IDUA: variants seen among roughly 807,000 people sequenced by gnomAD.
IDUA encodes iduronidase alpha-L-.
In IDUA, 65 loss-of-function variants were observed where a neutral mutation model predicts 68.9. The observed-to-expected ratio is 0.94, with a 90% CI of 0.77 to 1.16. The LOEUF is 1.16. Ranked by LOEUF, IDUA falls within the 50% of genes most tolerant of loss-of-function variation. The probability of loss-of-function intolerance (pLI) is 0.00; values close to 1 mark genes in which losing one functional copy is unlikely to be tolerated. For synonymous variants in IDUA, 529 were observed against 433.6 expected (o/e 1.22, Z -2.73); for missense variants, 1,046 against 938.0 (o/e 1.12, Z -1.50).
chr4:1,000,533 C>G (rs760938790), intron 2 of IDUA, 79 bp from the exon 3 acceptor site: 62 of 1,136,996 alleles, frequency 5.5e-5, no homozygotes, highest in Non-Finnish European at 7.9e-5. Context: ...CCCACATGCT[C>G]CGTTGTGGCC....
intron 2 of IDUA, among the ~76,000 whole-genome samples, chr4:998,278 C>G (rs1714864649): frequency 1.3e-5 from 2 of 152,200 alleles, no homozygotes; most frequent in South Asian, 4.1e-4. Flanking sequence ...TGCCAAGGCT[C>G]TGCCTTGATC....
chr4:988,313 C>G (rs2153015883), intron 2 of IDUA: 2 of 1,107,860 alleles, frequency 1.8e-6, no homozygotes, highest in East Asian at 1.3e-4. Flanking sequence ...GGCCCTGACG[C>G]TGGTGCAGGT....
At position 1,002,742 on chromosome 4, in the gene IDUA, G is replaced by T; in HGVS notation, c.1200G>T (p.Gln400His). The T allele has an allele frequency of 6.7e-7, 1 of 1,485,204 alleles. No individual in the cohort carries two copies. Among genetic ancestry groups the T allele is most frequent in the Non-Finnish European group, 8.9e-7 (1 of 1,124,018 alleles). 92.0% of individuals were successfully genotyped at this position (1,485,204 alleles called of 1,614,324 possible). A position where few individuals can be genotyped will look rare whatever the true frequency, so the allele number is the denominator to read the frequency against. ...CCCCCCGCCCCGCAGATGAGGAGCAGCTCTGGGCCGAAGTGTCGCAGGCCG... is the reference window on the plus strand; with the variant it reads ...CCCCCCGCCCCGCAGATGAGGAGCATCTCTGGGCCGAAGTGTCGCAGGCCG... ...MGLLALLDEE[Q>H]LWAEVSQAGT... The change falls in exon 9 of 14, where the codon CAG becomes CAT. Residue 400 changes from glutamine (Q) to histidine (H), a missense_variant. Transcript: ENST00000514224.
rs894585162 is a variant in IDUA at position 1,003,110 on chromosome 4, C to T, written c.1477C>T (p.Pro493Ser). 1.3e-6 allele frequency: 2 copies of T among 1,513,614 alleles called. No individual in the cohort carries two copies. Among genetic ancestry groups the T allele is most frequent in the African/African-American group, 1.4e-5 (1 of 69,802 alleles). The allele number at this position is 1,513,614 out of a possible 1,614,324, so 93.8% of individuals were successfully genotyped here. A position where few individuals can be genotyped will look rare whatever the true frequency, so the allele number is the denominator to read the frequency against. The change falls in exon 10 of 14, where the codon CCC becomes TCC. Residue 493 changes from proline (P) to serine (S), a missense_variant. Physicochemically the swap from Pro to Ser is moderately conservative, Grantham distance 74. Coordinates refer to ENST00000514224, the MANE Select transcript of IDUA (RefSeq NM_000203.5). ...PDGEWRRLGR[P>S]VFPTAEQFRR... is the part of the protein sequence containing the mutation. ...CGGCGAGTGGCGGCGCCTGGGCCGG[C>T]CCGTCTTCCCCACGGCAGAGCAGTT...
chr4:991,663 G>A lies in IDUA; in HGVS notation c.299+3714G>A, dbSNP rs762547242. The A allele has an allele frequency of 9.1e-6, 14 of 1,543,170 alleles. No homozygotes were observed. Among genetic ancestry groups the A allele is most frequent in the Admixed American group, 5.6e-5 (3 of 53,986 alleles). ...TGGGCGCTGCCGTCGGACCGGCACC[G>A]GCCCTCTGCCCTGCTGCAGAGGCTC... On this transcript the variant is annotated intron_variant, in intron 2 of 13. Transcript: ENST00000514224.
intron 2 of IDUA, chr4:991,975 G>A (rs1417276086): frequency 2.7e-6 from 2 of 743,928 alleles, no homozygotes; most frequent in Non-Finnish European, 4.7e-6. Context: ...CCCATGCCAT[G>A]GGGTGTGCTG....
rs377636525 is a variant in IDUA, at chr4:991,389, G to A, written c.299+3440G>A. ...GGAAGTAGATGAGGTTGGCGAAGAA[G>A]GACGTATAGAGGCTGTAGATGGGCT... On this transcript the variant is annotated intron_variant, in intron 2 of 13. Transcript: ENST00000514224. The A allele has an allele frequency of 6.2e-7, 1 of 1,612,768 alleles. No individual in the cohort carries two copies.
Position 990,054 on chromosome 4 carries a change from C to T in IDUA, c.299+2105C>T, listed in dbSNP as rs1397959316. 4 of 1,601,328 alleles carry T rather than the reference C, an allele frequency of 2.5e-6. No individual in the cohort carries two copies. In the African/African-American group the frequency reaches 4.0e-5, roughly 16 times the overall value. On this transcript the variant is annotated intron_variant, in intron 2 of 13. Coordinates refer to ENST00000514224, the MANE Select transcript of IDUA (RefSeq NM_000203.5). The stretch of plus-strand genomic sequence containing the variant: ...GTGTGGCCACCACGATGACCAGCAG[C>T]TCCGTGGGCAGCGGCACCCTCAGGC...
intron 2 of IDUA, chr4:988,823 C>A (rs1234672725): frequency 1.9e-6 from 3 of 1,570,632 alleles, no homozygotes; most frequent in Non-Finnish European, 2.6e-6. Flanking sequence ...GCTGGGCAGG[C>A]CTGGCCCTGC....
intron 12 of IDUA, 51 bp from the exon 13 acceptor site, chr4:1,003,961 C>T (rs761843437): frequency 2.7e-6 from 4 of 1,470,594 alleles, no homozygotes; most frequent in East Asian, 2.3e-5. Context: ...CCTGCTCCCA[C>T]CTTTGAGGAC....
Position 989,756 on chromosome 4 carries a change from T to C in IDUA, c.299+1807T>C, listed in dbSNP as rs749122012. The C allele has an allele frequency of 3.9e-6, 6 of 1,558,012 alleles. No homozygotes were observed. In the South Asian group the frequency reaches 5.9e-5, roughly 15 times the overall value. On this transcript the variant is annotated intron_variant, in intron 2 of 13. Transcript: ENST00000514224. ...AGGCTCTTGGCCAGGGCGGCGCTGGTGGCGAAGCAGTGGAGGAAGGCGGGT... is the reference window on the plus strand; with the variant it reads ...AGGCTCTTGGCCAGGGCGGCGCTGGCGGCGAAGCAGTGGAGGAAGGCGGGT...
intron 2 of IDUA, among the ~76,000 whole-genome samples, chr4:998,918 A>G (rs1474445853): frequency 6.6e-6 from 1 of 151,338 alleles, no homozygotes; most frequent in Non-Finnish European, 1.5e-5. Flanking sequence ...TCCAGCTCCC[A>G]CCCTGACTCC....
intron 2 of IDUA, chr4:991,368 G>A (rs371432711): frequency 1.9e-6 from 3 of 1,612,756 alleles, no homozygotes; most frequent in African/African-American, 2.7e-5. Context: ...CCATGAGGAA[G>A]TAGATGAGGT....
intron 8 of IDUA, 115 bp downstream of exon 8, chr4:1,002,600 G>C (rs964142624): frequency 1.6e-4 from 190 of 1,205,238 alleles, no homozygotes; most frequent in Non-Finnish European, 1.9e-4. Context: ...TCCCGGGGTC[G>C]GCCTCCGCGT....
At chr4:994,346 G>C (rs1354838118) in intron 2 of IDUA, among the ~76,000 whole-genome samples, 2 of 151,842 alleles carry the variant, frequency 1.3e-5, no homozygotes, top group Non-Finnish European at 2.9e-5. Context: ...TGTGATCTCG[G>C]CTCACTGGAA....
intron 2 of IDUA, chr4:990,084 T>A: frequency 6.3e-7 from 1 of 1,598,772 alleles, no homozygotes; most frequent in Non-Finnish European, 8.5e-7. Flanking sequence ...TCAGGCGGTG[T>A]CGGTAGCGGT....
At chr4:991,354 G>A (rs1446202225) in intron 2 of IDUA, 1 of 1,612,884 alleles carries the variant, frequency 6.2e-7, no homozygotes, top group East Asian at 2.2e-5. Context: ...ATGCCGTGAG[G>A]TGCCCATGAG....
rs1373215123 is a variant in IDUA at position 1,003,464 on chromosome 4, C to T, written c.1644C>T (p.Pro548=). ...VHVCARPEKP[P]GQVTRLRALP... is the part of the protein sequence containing the mutation. ...TGTGTGCGCGCCCCGAGAAGCCGCC[C>T]GGGCAGGCAAGTGGCAGTCCCCTAA... The change falls in exon 11 of 14, where the codon CCC becomes CCT. Residue 548 remains proline (P), a synonymous_variant. Transcript: ENST00000514224. 2 of 1,565,016 alleles carry T rather than the reference C, an allele frequency of 1.3e-6. No homozygotes were observed. Among genetic ancestry groups the T allele is most frequent in the Non-Finnish European group, 1.7e-6 (2 of 1,162,130 alleles).
In IDUA at chr4:1,002,258, G is replaced by C; in HGVS notation, c.973-11G>C. ...GCGCCACCCGGTCCCAGCTGCCCTG[G>C]ACACCCGCAGGTCATCGCGCAGCAT... is the stretch of plus-strand genomic sequence containing the variant. On this transcript the variant is annotated splice_polypyrimidine_tract_variant and intron_variant, in intron 7 of 13. Coordinates refer to ENST00000514224, the MANE Select transcript of IDUA (RefSeq NM_000203.5). 1.2e-6 allele frequency: 2 copies of C among 1,607,034 alleles called. No homozygotes were observed. The highest frequency in any genetic ancestry group is 1.1e-5 in the South Asian group (1 of 90,284).
Sources: gnomAD v4.1 joint callset for allele counts (sites outside exome capture counted in the v4.1 genomes callset) on GRCh38, gnomAD v4.1.1 for gene constraint, MANE v1.5 for transcripts, NCBI Gene and HGNC (gene_info 2026-07-23, HGNC 2026-07-21) for gene names.